Variants in GNG7 observed in about 807,000 individuals in gnomAD.
GNG7 encodes the protein guanine nucleotide-binding protein G(I)/G(S)/G(O) subunit gamma-7.
A neutral mutation model predicts 4.0 loss-of-function variants in GNG7; 1 was observed. The ratio of observed to expected loss-of-function variants is 0.25; its 90% CI spans 0.09 to 1.18. The LOEUF (loss-of-function observed/expected upper bound fraction) is 1.18. GNG7 is among the 50% of genes most tolerant of loss of function. The pLI, the probability that GNG7 is intolerant of heterozygous loss-of-function variation, is 0.50. For synonymous variants in GNG7, 34 were observed against 36.9 expected (o/e 0.92, Z 0.29); for missense variants, 86 against 91.9 (o/e 0.94, Z 0.26).
chr19:2,680,090 A>G (rs1983692374), intron 1 of GNG7, among the ~76,000 whole-genome samples: 1 of 150,628 alleles, frequency 6.6e-6, no homozygotes, highest in South Asian at 2.1e-4. Context: ...AGGAGGGAGG[A>G]TCGCTTAAGC....
In GNG7 at chr19:2,671,206, A is replaced by G. The variant is rs144623548; in HGVS notation, c.-134-24926T>C. 4.0e-3 allele frequency among the ~76,000 whole-genome samples: 615 copies of G among 152,160 alleles called. 2 individuals are homozygous for G. The highest frequency in any genetic ancestry group is 0.01 in the Middle Eastern group (3 of 294). On this transcript the variant is annotated intron_variant, in intron 1 of 4. Coordinates refer to ENST00000382159, the MANE Select transcript of GNG7 (RefSeq NM_052847.3). Reference sequence around the variant, plus strand: ...CCCTCTCTTAACTGTGACGACCACAAATCAGTACCCAACTATGTTTAAAAC... The same window carrying G: ...CCCTCTCTTAACTGTGACGACCACAGATCAGTACCCAACTATGTTTAAAAC...
intron 2 of GNG7, among the ~76,000 whole-genome samples, chr19:2,602,028 T>C (rs1981213489): frequency 2.6e-5 from 4 of 151,546 alleles, no homozygotes; most frequent in African/African-American, 7.3e-5. Flanking sequence ...GGGAAGAAAG[T>C]CTGCTAGGAT....
chr19:2,622,594 G>A (rs534336539), intron 2 of GNG7, among the ~76,000 whole-genome samples: 76 of 149,930 alleles, frequency 5.1e-4, no homozygotes, highest in African/African-American at 1.8e-3. Flanking sequence ...AGAGAGGGGG[G>A]CTTCCGGGAA....
chr19:2,580,925 C>T (rs973937199), intron 2 of GNG7, among the ~76,000 whole-genome samples: 6 of 152,104 alleles, frequency 3.9e-5, no homozygotes, highest in South Asian at 2.1e-4. Context: ...CCACCACGCC[C>T]GGCTAATTTT....
intron 2 of GNG7, among the ~76,000 whole-genome samples, chr19:2,580,564 T>C (rs559457693): frequency 6.6e-6 from 1 of 152,082 alleles, no homozygotes; most frequent in Admixed American, 6.6e-5. Flanking sequence ...GTGCTGGGAT[T>C]GCAGGCATGA....
At chr19:2,549,313 G>A (rs923544007) in intron 3 of GNG7, among the ~76,000 whole-genome samples, 2 of 147,416 alleles carry the variant, frequency 1.4e-5, no homozygotes, top group African/African-American at 5.1e-5. Context: ...TTTTCTTTTA[G>A]ATGGAGTCTC....
At chr19:2,581,730 CAA>C (rs1248404290) in intron 2 of GNG7, among the ~76,000 whole-genome samples, 1 of 152,216 alleles carries the variant, frequency 6.6e-6, no homozygotes, top group Non-Finnish European at 1.5e-5. Context: ...GGTGTTGAAA[CAA>C]CGCATGAACC....
At position 2,618,201 on chromosome 19, in the gene GNG7, A is replaced by G. The variant is rs1052331449; in HGVS notation, c.-78+28023T>C. Among the ~76,000 whole-genome samples, 1 of 152,084 alleles carries G rather than the reference A, an allele frequency of 6.6e-6. No individual in the cohort carries two copies. The highest frequency in any genetic ancestry group is 2.4e-5 in the African/African-American group (1 of 41,410). On this transcript the variant is annotated intron_variant, in intron 2 of 4. Transcript: ENST00000382159. The surrounding 1 kb of genome is among the most constrained non-coding windows in gnomAD (Gnocchi z 5.1). ...CGACTGACCGACGGGTTGGCCTTCC[A>G]TCTACTCTTCCACTCACCAGCTTCT...
intron 1 of GNG7, among the ~76,000 whole-genome samples, chr19:2,655,454 TG>T (rs1174864236): frequency 6.6e-6 from 1 of 152,016 alleles, no homozygotes; most frequent in East Asian, 1.9e-4. Flanking sequence ...GGCTCATATC[TG>T]TCATCCCAGC....
At chr19:2,606,173 G>A (rs529880847) in intron 2 of GNG7, among the ~76,000 whole-genome samples, 1 of 152,208 alleles carries the variant, frequency 6.6e-6, no homozygotes, top group Non-Finnish European at 1.5e-5. Flanking sequence ...GAGCCCAGGA[G>A]TTTGAGACCA....
intron 2 of GNG7, among the ~76,000 whole-genome samples, chr19:2,565,201 G>A (rs1599393849): frequency 6.6e-6 from 1 of 152,182 alleles, no homozygotes; most frequent in East Asian, 1.9e-4. Flanking sequence ...CACAACGTGT[G>A]CACCCTGCAG....
At chr19:2,698,223 C>T (rs1354753234) in intron 1 of GNG7, among the ~76,000 whole-genome samples, 1 of 150,308 alleles carries the variant, frequency 6.7e-6, no homozygotes, top group Non-Finnish European at 1.5e-5. Flanking sequence ...GCCGAGATCG[C>T]ACCACTGTAC....
intron 2 of GNG7, among the ~76,000 whole-genome samples, chr19:2,622,229 G>A (rs1007158628): frequency 3.9e-5 from 6 of 152,076 alleles, no homozygotes; most frequent in Admixed American, 3.3e-4. Context: ...ACAGGCGCCC[G>A]CCACCACACC....
At chr19:2,689,622 CAAAAAAAAAAAA>C (rs58020172) in intron 1 of GNG7, among the ~76,000 whole-genome samples, 46 of 37,944 alleles carry the variant, frequency 1.2e-3, no homozygotes, top group Non-Finnish European at 2.0e-3. Context: ...GACTCCAACT[CAAAAAAAAAAAA>C]AAAAAAAAAA....
At chr19:2,656,710 T>C (rs2144872854) in intron 1 of GNG7, among the ~76,000 whole-genome samples, 1 of 152,328 alleles carries the variant, frequency 6.6e-6, no homozygotes, top group South Asian at 2.1e-4. Context: ...CACACAGCCG[T>C]GCGTGTTCAC....
At chr19:2,676,161 C>T (rs775587348) in intron 1 of GNG7, among the ~76,000 whole-genome samples, 26 of 152,228 alleles carry the variant, frequency 1.7e-4, no homozygotes, top group Admixed American at 3.9e-4. Context: ...GGATCCTCCC[C>T]GGGAGCTTCT....
intron 1 of GNG7, among the ~76,000 whole-genome samples, chr19:2,663,886 TG>T (rs1012330400): frequency 3.9e-5 from 6 of 152,344 alleles, no homozygotes; most frequent in Non-Finnish European, 5.9e-5. Context: ...GGGGCCGTTC[TG>T]GGCACTGCAC....
At chr19:2,639,589 G>T (rs2144852860) in intron 2 of GNG7, among the ~76,000 whole-genome samples, 1 of 9,706 alleles carries the variant, frequency 1.0e-4, no homozygotes, top group African/African-American at 4.1e-3. Flanking sequence ...GTCAAATGTA[G>T]ATGGCAGGCA....
intron 2 of GNG7, among the ~76,000 whole-genome samples, chr19:2,636,809 C>T (rs1982319407): frequency 6.6e-6 from 1 of 152,048 alleles, no homozygotes; most frequent in Non-Finnish European, 1.5e-5. Flanking sequence ...GGGGTAGTGA[C>T]AGAGCTTAAA....
Sources: gnomAD v4.1 joint callset for allele counts (sites outside exome capture counted in the v4.1 genomes callset) on GRCh38, gnomAD v4.1.1 for gene constraint, Gnocchi (gnomAD v3.1) non-coding constraint, MANE v1.5 for transcripts, NCBI Gene and HGNC (gene_info 2026-07-23, HGNC 2026-07-21) for gene names.